The following ANKRD44 variants were observed in gnomAD, a reference collection of about 807,000 sequenced individuals.
ANKRD44 encodes ankyrin repeat domain 44.
ANKRD44 carries 35 observed loss-of-function variants against 116.0 expected under a neutral mutation model. The observed-to-expected ratio is 0.30, with a 90% CI of 0.23 to 0.40. The LOEUF (loss-of-function observed/expected upper bound fraction) is 0.40. ANKRD44 is among the 10% of genes least tolerant of loss of function. The pLI, the probability that ANKRD44 is intolerant of heterozygous loss-of-function variation, is 1.00. For synonymous variants in ANKRD44, 435 were observed against 461.8 expected (o/e 0.94, Z 0.74); for missense variants, 1,014 against 1,242.6 (o/e 0.82, Z 2.77).
intron 16 of ANKRD44, among the ~76,000 whole-genome samples, chr2:197,041,317 G>A (rs775024639): frequency 2.6e-4 from 39 of 152,024 alleles, no homozygotes; most frequent in Non-Finnish European, 4.3e-4. Flanking sequence ...TCATGGTAAC[G>A]GCCAAGGATT....
At chr2:197,271,276 G>A (rs1450554644) in intron 1 of ANKRD44, among the ~76,000 whole-genome samples, 2 of 152,160 alleles carry the variant, frequency 1.3e-5, no homozygotes, top group African/African-American at 4.8e-5. Context: ...TAAGAGGTGA[G>A]GCCTTTAGGA....
At chr2:197,198,774 C>CAG (rs201456059) in intron 1 of ANKRD44, 12,940 of 152,020 alleles carry the variant, frequency 0.085, 1,845 homozygotes, top group African/African-American at 0.29. Flanking sequence ...GCCTGGGCGA[C>CAG]AGCAAGACTC....
chr2:196,995,445 G>A lies in ANKRD44; in HGVS notation c.2765C>T (p.Ala922Val). ...LACSKGHEKC[A>V]LLILDKIQDE... Reference sequence around the variant, plus strand: ...TTGTATCTTGTCAAGTATTAACAAGGCACATTTTTCATGACCCTAATAAAG... The same window carrying A: ...TTGTATCTTGTCAAGTATTAACAAGACACATTTTTCATGACCCTAATAAAG... Residue 922 changes from alanine (A) to valine (V), a missense_variant, in exon 26 of 28, where the codon GCC (alanine) becomes GTC (valine). Transcript: ENST00000282272. The A allele has an allele frequency of 6.2e-7, 1 of 1,609,744 alleles. No individual in the cohort carries two copies. Among genetic ancestry groups the A allele is most frequent in the Non-Finnish European group, 8.5e-7 (1 of 1,177,642 alleles).
chr2:197,090,606 G>A (rs1413957611), intron 10 of ANKRD44, among the ~76,000 whole-genome samples: 1 of 151,478 alleles, frequency 6.6e-6, no homozygotes, highest in Non-Finnish European at 1.5e-5. Context: ...GAAAAGGGCA[G>A]GTTCTGAGCA....
intron 17 of ANKRD44, among the ~76,000 whole-genome samples, chr2:197,024,725 G>A (rs1011957669): frequency 1.3e-5 from 2 of 152,186 alleles, no homozygotes; most frequent in Admixed American, 6.5e-5. Context: ...GCAGAAGGTC[G>A]CAGCTGCAGC....
At chr2:197,143,722 C>T (rs2079429843) in intron 3 of ANKRD44, among the ~76,000 whole-genome samples, 1 of 152,046 alleles carries the variant, frequency 6.6e-6, no homozygotes, top group African/African-American at 2.4e-5. Flanking sequence ...CTCTGCCTCC[C>T]AGGCTCAAGT....
chr2:197,133,879 C>T (rs997111888), intron 4 of ANKRD44: 1 of 151,946 alleles, frequency 6.6e-6, no homozygotes. Context: ...GTCTTCTCCA[C>T]CGTCAGCTCT....
chr2:197,267,169 T>C (rs2105759844), intron 1 of ANKRD44, among the ~76,000 whole-genome samples: 1 of 152,356 alleles, frequency 6.6e-6, no homozygotes, highest in African/African-American at 2.4e-5. Context: ...GCATTCTTCC[T>C]TACCATCTTG....
At chr2:197,193,799 G>A (rs991513219) in intron 1 of ANKRD44, among the ~76,000 whole-genome samples, 1 of 152,070 alleles carries the variant, frequency 6.6e-6, no homozygotes, top group Non-Finnish European at 1.5e-5. Context: ...GGAGAATGGC[G>A]TGAACCCGGG....
At chr2:197,138,424 A>C (rs777524729) in intron 3 of ANKRD44, among the ~76,000 whole-genome samples, 49 of 150,594 alleles carry the variant, frequency 3.3e-4, no homozygotes, top group Non-Finnish European at 5.8e-4. Flanking sequence ...AGGGAGAAGA[A>C]AATCCAGATG....
intron 8 of ANKRD44, among the ~76,000 whole-genome samples, chr2:197,112,976 C>A (rs2078625520): frequency 1.5e-5 from 1 of 66,550 alleles, no homozygotes; most frequent in African/African-American, 4.5e-5. Context: ...ACGGTAAGTT[C>A]ATCTTAATTG....
intron 17 of ANKRD44, chr2:197,015,372 G>A: frequency 3.5e-6 from 2 of 575,052 alleles, no homozygotes; most frequent in South Asian, 3.3e-5. Context: ...CAGGCAGATT[G>A]GAAAAAAAGA....
intron 1 of ANKRD44, among the ~76,000 whole-genome samples, chr2:197,309,819 G>C (rs539530055): frequency 1.3e-5 from 2 of 152,296 alleles, no homozygotes; most frequent in East Asian, 3.9e-4. Flanking sequence ...GACCTGCGGC[G>C]AGGACTGTCA....
In ANKRD44 at chr2:197,212,107, GAT is replaced by G. The variant is rs1378478146; in HGVS notation, c.28-25003_28-25002del. 6.6e-6 allele frequency among the ~76,000 whole-genome samples: 1 copy of G among 151,958 alleles called. No homozygotes were observed. The highest frequency in any genetic ancestry group is 2.4e-5 in the African/African-American group (1 of 41,348). ...GCACCACTTTGGGGGAAGGAGAGGAGATATTGCAGAGCTAGAGTTTTGGAACT... is the reference window on the plus strand; with the variant it reads ...GCACCACTTTGGGGGAAGGAGAGGAGATTGCAGAGCTAGAGTTTTGGAACT... On this transcript the variant is annotated intron_variant, in intron 1 of 27. Transcript: ENST00000282272. The surrounding 1 kb of genome is among the most constrained non-coding windows in gnomAD (Gnocchi z 4.8).
intron 1 of ANKRD44, among the ~76,000 whole-genome samples, chr2:197,307,551 G>GAAAAAA (rs3060107): frequency 1.5e-5 from 2 of 133,882 alleles, no homozygotes. Flanking sequence ...TTTTTACAGT[G>GAAAAAA]AAAAAAAAAA....
At chr2:197,232,864 G>A (rs1429411680) in intron 1 of ANKRD44, among the ~76,000 whole-genome samples, 1 of 152,196 alleles carries the variant, frequency 6.6e-6, no homozygotes, top group Non-Finnish European at 1.5e-5. Context: ...AGAGATGGAA[G>A]GCATTGATAC....
chr2:197,069,375 C>T (rs2077512377), intron 16 of ANKRD44, among the ~76,000 whole-genome samples: 1 of 152,088 alleles, frequency 6.6e-6, no homozygotes. Context: ...GTACAGCATA[C>T]CAACTTGGCA....
At chr2:197,150,227 C>T (rs1317319471) in intron 2 of ANKRD44, among the ~76,000 whole-genome samples, 5 of 152,108 alleles carry the variant, frequency 3.3e-5, no homozygotes, top group African/African-American at 9.7e-5. Context: ...GGTGTCCTGG[C>T]TCCCAACCTG....
chr2:197,206,108 T>C (rs1047450890), intron 1 of ANKRD44, among the ~76,000 whole-genome samples: 2 of 152,078 alleles, frequency 1.3e-5, no homozygotes, highest in African/African-American at 4.8e-5. Flanking sequence ...GGAGAATGGA[T>C]TGGCGGAGAG....
Sources: gnomAD v4.1 joint callset for allele counts (sites outside exome capture counted in the v4.1 genomes callset) on GRCh38, gnomAD v4.1.1 for gene constraint, Gnocchi (gnomAD v3.1) non-coding constraint, MANE v1.5 for transcripts, NCBI Gene and HGNC (gene_info 2026-07-23, HGNC 2026-07-21) for gene names.